The following SCUBE1 variants were observed in gnomAD, a reference collection of about 807,000 sequenced individuals.
SCUBE1 encodes the protein signal peptide, CUB domain and EGF like domain containing 1.
In SCUBE1, 59 loss-of-function variants were observed where a neutral mutation model predicts 124.4. The observed-to-expected ratio is 0.47, with a 90% CI of 0.38 to 0.59. The LOEUF (loss-of-function observed/expected upper bound fraction) is 0.59. Ranked by LOEUF, SCUBE1 falls within the 20% of genes least tolerant of loss-of-function variation. The pLI is 0.00. For synonymous variants in SCUBE1, 545 were observed against 550.9 expected, an observed-to-expected ratio of 0.99 and a Z score of 0.15; for missense variants, 1,150 against 1,371.2, an observed-to-expected ratio of 0.84 and a Z score of 2.55.
At chr22:43,289,571 T>TA (rs1925277311) in intron 4 of SCUBE1, among the ~76,000 whole-genome samples, 1 of 152,228 alleles carries the variant, frequency 6.6e-6, no homozygotes, top group African/African-American at 2.4e-5. Context: ...TGAGTACTTT[T>TA]TAAATGTTTT....
At chr22:43,266,877 C>T (rs563728121) in intron 4 of SCUBE1, among the ~76,000 whole-genome samples, 1 of 152,304 alleles carries the variant, frequency 6.6e-6, no homozygotes, top group East Asian at 1.9e-4. Context: ...AAGCACATAC[C>T]CTGGCTCCTC....
At chr22:43,281,851 A>G (rs186865956) in intron 4 of SCUBE1, 1 of 152,982 alleles carries the variant, frequency 6.5e-6, no homozygotes, top group African/African-American at 2.4e-5. Context: ...GCACAGTCCA[A>G]ATTCCTGCTA....
intron 2 of SCUBE1, among the ~76,000 whole-genome samples, chr22:43,335,860 T>A (rs1305940229): frequency 6.6e-6 from 1 of 151,554 alleles, no homozygotes; most frequent in East Asian, 1.9e-4. Context: ...ATGGTGGTGA[T>A]GATGGTGATG....
chr22:43,237,048 G>A (rs530239166), intron 7 of SCUBE1, among the ~76,000 whole-genome samples: 2 of 151,880 alleles, frequency 1.3e-5, no homozygotes, highest in African/African-American at 2.4e-5. Flanking sequence ...AAAGGGCTGA[G>A]TGGGGCAGCC....
Position 43,258,424 on chromosome 22 carries a change from T to C in SCUBE1, c.611-89A>G, listed in dbSNP as rs1266204509. 14 of 956,276 alleles carry C rather than the reference T, an allele frequency of 1.5e-5. No homozygotes were observed. Among genetic ancestry groups the C allele is most frequent in the Admixed American group, 3.4e-5 (2 of 58,436 alleles). 59.2% of individuals were successfully genotyped at this position (956,276 alleles called of 1,614,324 possible). ...GGTGTTGGCGGCTGCCTTCAGGGTA[T>C]GGGGAAACTGAGGCCTAAGGGCATC... On this transcript the variant is annotated intron_variant, in intron 5 of 21. Transcript: ENST00000360835. This position sits in a 1 kb window ranked among gnomAD's most constrained non-coding sequence, Gnocchi z 5.0.
intron 3 of SCUBE1, among the ~76,000 whole-genome samples, chr22:43,302,249 G>T (rs1330945592): frequency 6.6e-6 from 1 of 152,212 alleles, no homozygotes; most frequent in African/African-American, 2.4e-5. Context: ...CATGTTGGGG[G>T]GCCTCAGAAG....
chr22:43,236,931 C>T (rs1054779139), intron 7 of SCUBE1, among the ~76,000 whole-genome samples: 4 of 152,318 alleles, frequency 2.6e-5, no homozygotes, highest in South Asian at 2.1e-4. Flanking sequence ...GTTCCGTGAG[C>T]GAGCGAGTGA....
At position 43,238,749 on chromosome 22, in the gene SCUBE1, C is replaced by A. The variant is rs562692014; in HGVS notation, c.844+89G>T. The A allele has an allele frequency of 1.1e-5, 12 of 1,104,800 alleles. No individual in the cohort carries two copies. The East Asian group carries it at 2.1e-4, about 19-fold the overall frequency. The allele number at this position is 1,104,800 out of a possible 1,614,324, so 68.4% of individuals were successfully genotyped here. On this transcript the variant is annotated intron_variant, in intron 7 of 21. Transcript: ENST00000360835. Reference sequence around the variant, plus strand: ...ACAGCTACACGTGGCCCCCGTTCAGCCCAGCCCTGGGCCCGGCTATGCAAG... The same window carrying A: ...ACAGCTACACGTGGCCCCCGTTCAGACCAGCCCTGGGCCCGGCTATGCAAG...
chr22:43,322,654 C>T (rs1298593956), intron 2 of SCUBE1, among the ~76,000 whole-genome samples: 1 of 152,184 alleles, frequency 6.6e-6, no homozygotes, highest in African/African-American at 2.4e-5. Flanking sequence ...CCCTCCTTTC[C>T]TCCTTCAAGC....
At chr22:43,323,278 C>T (rs1926616632) in intron 2 of SCUBE1, among the ~76,000 whole-genome samples, 2 of 152,152 alleles carry the variant, frequency 1.3e-5, no homozygotes, top group African/African-American at 2.4e-5. Flanking sequence ...AAATAACCAG[C>T]CAGCCAGCCA....
rs1382823846 is a variant in SCUBE1 at position 43,211,184 on chromosome 22, T to C, written c.2222-101A>G. 23 of 1,267,010 alleles carry C rather than the reference T, an allele frequency of 1.8e-5. No individual in the cohort carries two copies. Among genetic ancestry groups the C allele is most frequent in the Non-Finnish European group, 2.3e-5 (21 of 908,906 alleles). 78.5% of individuals were successfully genotyped at this position (1,267,010 alleles called of 1,614,324 possible). Reference sequence around the variant, plus strand: ...GGACCTCTCATGCCCTCGAGGTCTGTTTTGGCACAGAGTTCAAGGCTCCTC... The same window carrying C: ...GGACCTCTCATGCCCTCGAGGTCTGCTTTGGCACAGAGTTCAAGGCTCCTC... On this transcript the variant is annotated intron_variant, in intron 17 of 21. Coordinates refer to ENST00000360835, the MANE Select transcript of SCUBE1 (RefSeq NM_173050.5). This position sits in a 1 kb window ranked among gnomAD's most constrained non-coding sequence, Gnocchi z 4.5.
intron 4 of SCUBE1, among the ~76,000 whole-genome samples, chr22:43,271,517 T>C (rs1425660191): frequency 6.6e-6 from 1 of 152,148 alleles, no homozygotes; most frequent in African/African-American, 2.4e-5. Context: ...CTGGCTGCCG[T>C]TCTGGCTCCC....
At chr22:43,280,494 CGTCCCTTCCCCTCACCCATCCTGCT>C (rs1385981290) in intron 4 of SCUBE1, among the ~76,000 whole-genome samples, 16 of 37,046 alleles carry the variant, frequency 4.3e-4, no homozygotes, top group Non-Finnish European at 5.3e-4. Flanking sequence ...CACCCATCCC[CGTCCCTTCCCCTCACCCATCCTGCT>C]GTCCCTTCCC....
chr22:43,218,123 C>G (rs1174970653), intron 15 of SCUBE1, 132 bp downstream of exon 15: 2 of 813,048 alleles, frequency 2.5e-6, no homozygotes, highest in African/African-American at 1.7e-5. Flanking sequence ...GTCCTTCTCC[C>G]CGGCAGGCCT....
chr22:43,210,793 G>T lies in SCUBE1; in HGVS notation c.2383+129C>A. ...GATGGATGCAATGCACCCGAGAGCAGACGGGACGGAGCGGGAGGAGTCCAG... is the reference window on the plus strand; with the variant it reads ...GATGGATGCAATGCACCCGAGAGCATACGGGACGGAGCGGGAGGAGTCCAG... On this transcript the variant is annotated intron_variant, in intron 18 of 21. Coordinates refer to ENST00000360835, the MANE Select transcript of SCUBE1 (RefSeq NM_173050.5). The surrounding 1 kb of genome is among the most constrained non-coding windows in gnomAD (Gnocchi z 4.5). 8.8e-7 allele frequency: 1 copy of T among 1,133,454 alleles called. No homozygotes were observed. Among genetic ancestry groups the T allele is most frequent in the Middle Eastern group, 2.9e-4 (1 of 3,500 alleles). 70.2% of individuals were successfully genotyped at this position (1,133,454 alleles called of 1,614,324 possible). A position where few individuals can be genotyped will look rare whatever the true frequency, so the allele number is the denominator to read the frequency against.
At chr22:43,275,444 G>A (rs765760299) in intron 4 of SCUBE1, among the ~76,000 whole-genome samples, 9 of 152,140 alleles carry the variant, frequency 5.9e-5, no homozygotes, top group Non-Finnish European at 7.4e-5. Context: ...ACTCCCATGC[G>A]GCATGTTTTC....
At chr22:43,311,372 C>G (rs75488730) in intron 3 of SCUBE1, among the ~76,000 whole-genome samples, 3,638 of 151,396 alleles carry the variant, frequency 0.024, 118 homozygotes, top group East Asian at 0.18. Context: ...TTGGAATAAA[C>G]AAATGGATGA....
In SCUBE1 at chr22:43,234,847, G is replaced by A. The variant is rs563958160; in HGVS notation, c.845-2972C>T. Among the ~76,000 whole-genome samples, 787 of 152,246 alleles carry A rather than the reference G, an allele frequency of 5.2e-3. 5 individuals carry two copies. Among genetic ancestry groups the A allele is most frequent in the African/African-American group, 0.018 (741 of 41,538 alleles). On this transcript the variant is annotated intron_variant, in intron 7 of 21. Transcript: ENST00000360835. The surrounding 1 kb of genome is among the most constrained non-coding windows in gnomAD (Gnocchi z 4.4). The stretch of plus-strand genomic sequence containing the variant: ...GCTCCCAGAGCTTCCCTTCCAGCCC[G>A]GCCAGGCTGCTTTGCCTCCTTTCTC...
rs184612942 is a variant in SCUBE1, at chr22:43,292,651, T to C, written c.350-1471A>G. ...TTTTTAACATAGACATCTTTTACTA[T>C]TGGAACCAAAAGGATGTGAAAAGGT... On this transcript the variant is annotated intron_variant, in intron 3 of 21. Transcript: ENST00000360835. Among the ~76,000 whole-genome samples, 8 of 151,948 alleles carry C rather than the reference T, an allele frequency of 5.3e-5. No homozygotes were observed. In the East Asian group the frequency reaches 1.4e-3, roughly 26 times the overall value.
Sources: gnomAD v4.1 joint callset for allele counts (sites outside exome capture counted in the v4.1 genomes callset) on GRCh38, gnomAD v4.1.1 for gene constraint, Gnocchi (gnomAD v3.1) non-coding constraint, MANE v1.5 for transcripts, NCBI Gene and HGNC (gene_info 2026-07-23, HGNC 2026-07-21) for gene names.